The following SLC24A3 variants were observed in gnomAD, a reference collection of about 807,000 sequenced individuals.
The protein encoded by SLC24A3 is sodium/potassium/calcium exchanger 3.
SLC24A3 carries 28 observed loss-of-function variants against 75.8 expected under a neutral mutation model. The observed-to-expected ratio is 0.37, with a 90% confidence interval of 0.27 to 0.51. The LOEUF is 0.51. Ranked by LOEUF, SLC24A3 falls within the 20% of genes least tolerant of loss-of-function variation. SLC24A3 has a pLI of 0.94. For missense variants in SLC24A3, 663 were observed against 847.8 expected, an observed-to-expected ratio of 0.78 and a Z score of 2.71; for synonymous variants, 372 against 334.1, an observed-to-expected ratio of 1.11 and a Z score of -1.24.
chr20:19,339,970 C>A (rs917964091), intron 2 of SLC24A3, among the ~76,000 whole-genome samples: 5 of 152,140 alleles, frequency 3.3e-5, no homozygotes, highest in African/African-American at 9.7e-5. Context: ...CAGGACCCTG[C>A]ACCTTGGCAG....
intron 3 of SLC24A3, among the ~76,000 whole-genome samples, chr20:19,579,538 A>C (rs1358474677): frequency 2.0e-5 from 3 of 152,242 alleles, no homozygotes; most frequent in African/African-American, 7.2e-5. Flanking sequence ...TCATATCCTC[A>C]TGAACTTCTG....
intron 2 of SLC24A3, among the ~76,000 whole-genome samples, chr20:19,323,794 T>C (rs73286617): frequency 0.021 from 3,165 of 152,344 alleles, 41 homozygotes; most frequent in African/African-American, 0.032. Flanking sequence ...TTTGCTGAGA[T>C]GGCAGAAGAA....
intron 6 of SLC24A3, among the ~76,000 whole-genome samples, chr20:19,599,572 T>C (rs1021048765): frequency 6.6e-6 from 1 of 152,242 alleles, no homozygotes; most frequent in African/African-American, 2.4e-5. Flanking sequence ...TGAGCCTGGC[T>C]ACCCAGGTGC....
intron 1 of SLC24A3, among the ~76,000 whole-genome samples, chr20:19,274,084 G>T (rs537524600): frequency 1.3e-5 from 2 of 151,430 alleles, no homozygotes; most frequent in East Asian, 2.0e-4. Context: ...CTATTGAAGG[G>T]ACTGAAAACG....
intron 2 of SLC24A3, among the ~76,000 whole-genome samples, chr20:19,351,958 C>T (rs1985576762): frequency 6.6e-6 from 1 of 152,000 alleles, no homozygotes; most frequent in African/African-American, 2.4e-5. Context: ...GGGGCTCCTA[C>T]AAGCAGAGCC....
In SLC24A3 at chr20:19,717,544, G is replaced by A. The variant is rs1465480836; in HGVS notation, c.1736G>A (p.Arg579Lys). The part of the protein sequence containing the change: ...DYGSYIRLNS[R>K]GLIYSVGLLL... ...CTCTTACAGATCCGGCTGAATAGCAGGGGGCTGATCTACTCCGTAGGCTTG... is the reference window on the plus strand; with the variant it reads ...CTCTTACAGATCCGGCTGAATAGCAAGGGGCTGATCTACTCCGTAGGCTTG... Residue 579 changes from arginine to lysine, a missense_variant, in exon 16 of 17, where the codon AGG (arginine) becomes AAG (lysine). Transcript: ENST00000328041. The A allele has an allele frequency of 1.9e-6, 3 of 1,613,986 alleles. No homozygotes were observed. Among genetic ancestry groups the A allele is most frequent in the East Asian group, 4.5e-5 (2 of 44,892 alleles).
intron 8 of SLC24A3, among the ~76,000 whole-genome samples, chr20:19,668,128 A>T (rs6112505): frequency 0.21 from 31,251 of 152,132 alleles, 4,139 homozygotes; most frequent in African/African-American, 0.38. Flanking sequence ...TTCCCAGAGC[A>T]CTGGCCTGTC....
chr20:19,384,483 C>T (rs1319101229), intron 2 of SLC24A3, among the ~76,000 whole-genome samples: 1 of 152,132 alleles, frequency 6.6e-6, no homozygotes, highest in African/African-American at 2.4e-5. Context: ...GTAGGTTCAC[C>T]CATGTTTTAG....
At position 19,527,616 on chromosome 20, in the gene SLC24A3, C is replaced by A. The variant is rs146124192; in HGVS notation, c.348+12052C>A. Among the ~76,000 whole-genome samples, 492 of 152,268 alleles carry A rather than the reference C, an allele frequency of 3.2e-3. 4 individuals carry two copies. Among genetic ancestry groups the A allele is most frequent in the African/African-American group, 0.011 (472 of 41,558 alleles). On this transcript the variant is annotated intron_variant, in intron 3 of 16. Transcript: ENST00000328041. ...AGTAAGAACACACAAGTCTCTTATG[C>A]CAGTGGCATGCCCTGTCTCTCTAAG...
intron 2 of SLC24A3, among the ~76,000 whole-genome samples, chr20:19,292,257 A>C (rs926906341): frequency 6.6e-6 from 1 of 152,182 alleles, no homozygotes; most frequent in Non-Finnish European, 1.5e-5. Context: ...ACTTTGCAAC[A>C]GTCCTGAGGG....
chr20:19,325,765 CATATATATATACATAT>C (rs1217870136), intron 2 of SLC24A3, among the ~76,000 whole-genome samples: 2 of 43,092 alleles, frequency 4.6e-5, no homozygotes, highest in Admixed American at 2.8e-4. Context: ...TACATACATA[CATATATATATACATAT>C]ATATATATAT....
At chr20:19,582,555 G>C (rs576409932) in intron 4 of SLC24A3, among the ~76,000 whole-genome samples, 3 of 152,236 alleles carry the variant, frequency 2.0e-5, no homozygotes, top group Non-Finnish European at 4.4e-5. Context: ...TCCAGGATCC[G>C]AAACTGGGGT....
intron 12 of SLC24A3, among the ~76,000 whole-genome samples, chr20:19,686,513 G>A (rs185446212): frequency 3.3e-5 from 5 of 152,356 alleles, no homozygotes; most frequent in Middle Eastern, 3.4e-3. Flanking sequence ...ACTGTCAAGT[G>A]TGTGAGGCTC....
Position 19,722,542 on chromosome 20 carries a change from A to G in SLC24A3, c.*1402A>G, listed in dbSNP as rs1167731495. On this transcript the variant is annotated 3_prime_UTR_variant, in exon 17 of 17. Transcript: ENST00000328041. ...TAATTCCACCCAGTTGAGACACACCATGCTTGTTCACTTGTATTTATTGAA... is the reference window on the plus strand; with the variant it reads ...TAATTCCACCCAGTTGAGACACACCGTGCTTGTTCACTTGTATTTATTGAA... 1 of 152,666 alleles carries G rather than the reference A, an allele frequency of 6.6e-6. No homozygotes were observed. Among genetic ancestry groups the G allele is most frequent in the Non-Finnish European group, 1.5e-5 (1 of 68,044 alleles). 9.5% of individuals were successfully genotyped at this position (152,666 alleles called of 1,614,324 possible).
At chr20:19,231,755 G>A (rs898509639) in intron 1 of SLC24A3, among the ~76,000 whole-genome samples, 6 of 152,196 alleles carry the variant, frequency 3.9e-5, no homozygotes, top group African/African-American at 1.4e-4. Context: ...GGAAACGCAC[G>A]CACCCAGTGT....
At chr20:19,454,494 G>T (rs577045060) in intron 2 of SLC24A3, among the ~76,000 whole-genome samples, 1 of 152,252 alleles carries the variant, frequency 6.6e-6, no homozygotes, top group East Asian at 1.9e-4. Context: ...GTTAGCAATT[G>T]GTTGGAAACC....
chr20:19,514,588 A>G (rs2029947390), intron 2 of SLC24A3, among the ~76,000 whole-genome samples: 1 of 152,172 alleles, frequency 6.6e-6, no homozygotes, highest in African/African-American at 2.4e-5. Flanking sequence ...TCCTCCAGCA[A>G]AGGAGCCGTG....
chr20:19,633,373 G>T (rs2031958838), intron 6 of SLC24A3, among the ~76,000 whole-genome samples: 1 of 152,080 alleles, frequency 6.6e-6, no homozygotes, highest in Non-Finnish European at 1.5e-5. Context: ...GTCGTGGCCG[G>T]GCGCGGTGGC....
chr20:19,462,865 G>A (rs570039934), intron 2 of SLC24A3, among the ~76,000 whole-genome samples: 4 of 152,252 alleles, frequency 2.6e-5, no homozygotes, highest in Admixed American at 6.5e-5. Context: ...AGAAAAGGTG[G>A]GGCTGGACTA....
Sources: gnomAD v4.1 joint callset for allele counts (sites outside exome capture counted in the v4.1 genomes callset) on GRCh38, gnomAD v4.1.1 for gene constraint, MANE v1.5 for transcripts, NCBI Gene and HGNC (gene_info 2026-07-23, HGNC 2026-07-21) for gene names.